Variants in TRMT11 observed in about 807,000 individuals in gnomAD.
The protein encoded by TRMT11 is tRNA methyltransferase 11, also known as tRNA (guanine(10)-N(2))-methyltransferase TRMT11.
Under a neutral mutation model 62.8 loss-of-function variants are expected in TRMT11, and 53 were observed. The ratio of observed to expected loss-of-function variants is 0.84; its 90% CI spans 0.68 to 1.06. The LOEUF (loss-of-function observed/expected upper bound fraction) is 1.06. Among genes scored for constraint, TRMT11 ranks in the 50% least tolerant of loss-of-function variants. The pLI is 0.00. For synonymous variants in TRMT11, 188 were observed against 190.3 expected (o/e 0.99, Z 0.10); for missense variants, 556 against 553.4 (o/e 1.00, Z -0.05).
At chr6:126,023,388 G>A (rs1796109464) in intron 12 of TRMT11, among the ~76,000 whole-genome samples, 1 of 152,178 alleles carries the variant, frequency 6.6e-6, no homozygotes, top group East Asian at 1.9e-4. Flanking sequence ...GGTGGCTCAC[G>A]CCTGTAATCC....
intron 21 of TRMT11, among the ~76,000 whole-genome samples, chr6:126,151,862 C>CTTTCTTTCTTTCTTTCTTTA (rs1562334839): frequency 8.9e-6 from 1 of 112,938 alleles, no homozygotes; most frequent in Non-Finnish European, 1.8e-5. Flanking sequence ...TTCTTTCTTT[C>CTTTCTTTCTTTCTTTCTTTA]TTTCCTTCTT....
intron 21 of TRMT11, among the ~76,000 whole-genome samples, chr6:126,145,908 AT>A (rs1777969316): frequency 6.6e-6 from 1 of 152,236 alleles, no homozygotes; most frequent in Admixed American, 6.5e-5. Context: ...TATTTTAAAA[AT>A]AAATCTCCAG....
intron 3 of TRMT11, among the ~76,000 whole-genome samples, chr6:126,201,782 T>C (rs1448086066): frequency 2.0e-5 from 3 of 152,182 alleles, no homozygotes; most frequent in African/African-American, 7.2e-5. Context: ...TCATTTTCTC[T>C]AATATTTATT....
chr6:126,108,258 T>C (rs1777486063), intron 17 of TRMT11, among the ~76,000 whole-genome samples: 1 of 152,212 alleles, frequency 6.6e-6, no homozygotes, highest in African/African-American at 2.4e-5. Flanking sequence ...TATTTTGAAT[T>C]TGGGGCATTT....
chr6:126,166,249 T>C (rs891335563), intron 21 of TRMT11, among the ~76,000 whole-genome samples: 3 of 152,176 alleles, frequency 2.0e-5, no homozygotes, highest in Admixed American at 2.0e-4. Flanking sequence ...CTTTTTGCTC[T>C]ATTTTTAATT....
chr6:126,151,858 C>CTTTCTTTCTTTCTTTCTTTA (rs1778053601), intron 21 of TRMT11, among the ~76,000 whole-genome samples: 1 of 119,536 alleles, frequency 8.4e-6, no homozygotes, highest in Admixed American at 8.9e-5. Context: ...TTCTTTCTTT[C>CTTTCTTTCTTTCTTTCTTTA]TTTCTTTCCT....
the TRMT11 span, among the ~76,000 whole-genome samples, chr6:126,236,933 G>T: frequency 2.6e-5 from 4 of 152,148 alleles, no homozygotes; most frequent in Non-Finnish European, 4.4e-5. Context: ...CTTTGGCCAT[G>T]AGGGCTCTTC....
the TRMT11 span, among the ~76,000 whole-genome samples, chr6:126,211,577 C>G: frequency 6.6e-6 from 1 of 151,662 alleles, no homozygotes. Context: ...AATATGCAGA[C>G]CTCTGTCACT....
the TRMT11 span, among the ~76,000 whole-genome samples, chr6:126,233,258 A>T: frequency 6.6e-6 from 1 of 152,312 alleles, no homozygotes; most frequent in East Asian, 1.9e-4. Flanking sequence ...AAATAGTAGC[A>T]ATATTAACTA....
At chr6:126,123,586 A>G (rs1777675422) in intron 21 of TRMT11, among the ~76,000 whole-genome samples, 1 of 152,154 alleles carries the variant, frequency 6.6e-6, no homozygotes, top group East Asian at 1.9e-4. Flanking sequence ...ATAGTGGACT[A>G]TCTCTGTTTT....
chr6:126,166,332 C>G (rs1313029901), intron 21 of TRMT11, among the ~76,000 whole-genome samples: 2 of 152,088 alleles, frequency 1.3e-5, no homozygotes, highest in African/African-American at 4.8e-5. Flanking sequence ...CATGGGCATC[C>G]TTTTTGCTGA....
At chr6:126,033,330 C>T (rs887196116) in intron 12 of TRMT11, among the ~76,000 whole-genome samples, 5 of 152,022 alleles carry the variant, frequency 3.3e-5, no homozygotes, top group Non-Finnish European at 7.4e-5. Flanking sequence ...GAACATACAG[C>T]TTGATTTATT....
downstream of TRMT11, among the ~76,000 whole-genome samples, chr6:126,207,342 T>C (rs1298578597): frequency 6.6e-6 from 1 of 152,084 alleles, no homozygotes; most frequent in Non-Finnish European, 1.5e-5. Flanking sequence ...CAAGATGATA[T>C]TGATTTTAGT....
At position 126,032,419 on chromosome 6, in the gene TRMT11, A is replaced by T. The variant is rs181251319; in HGVS notation, c.1261-6286A>T. On this transcript the variant is annotated intron_variant, in intron 12 of 12. Coordinates refer to ENST00000334379, the MANE Select transcript of TRMT11 (RefSeq NM_001031712.3). ...CCCTTTTGCTTACCAGTTGTTATCC[A>T]CCCTGGCCGTAGTCTTTCAGGTCCC... is the stretch of plus-strand genomic sequence containing the variant. Among the ~76,000 whole-genome samples the T allele has an allele frequency of 3.7e-3, 569 of 152,004 alleles. 5 individuals carry two copies. The highest frequency in any genetic ancestry group is 6.8e-3 in the Middle Eastern group (2 of 294).
chr6:125,998,027 G>C, intron 3 of TRMT11, 26 bp from the exon 4 acceptor site: 5 of 1,505,164 alleles, frequency 3.3e-6, no homozygotes, highest in Non-Finnish European at 4.6e-6. Flanking sequence ...CTTTACTGAG[G>C]TTAGTACCAA....
At chr6:126,082,186 A>G (rs1453789784) in intron 17 of TRMT11, among the ~76,000 whole-genome samples, 2 of 152,166 alleles carry the variant, frequency 1.3e-5, no homozygotes, top group Non-Finnish European at 2.9e-5. Context: ...CTTGCATATT[A>G]TGCCGATACC....
At chr6:126,191,409 G>A (rs185428690) in intron 1 of TRMT11, among the ~76,000 whole-genome samples, 3 of 141,468 alleles carry the variant, frequency 2.1e-5, no homozygotes, top group Non-Finnish European at 4.6e-5. Context: ...TCTTCATTAT[G>A]TTAGTTATTT....
chr6:126,170,181 T>G (rs1286313564), intron 21 of TRMT11, among the ~76,000 whole-genome samples: 6 of 152,162 alleles, frequency 3.9e-5, no homozygotes, highest in Non-Finnish European at 8.8e-5. Flanking sequence ...TCTGTGCCCT[T>G]TTTCATGTGC....
chr6:126,214,921 G>T, the TRMT11 span, among the ~76,000 whole-genome samples: 284 of 151,920 alleles, frequency 1.9e-3, 1 homozygote, highest in Middle Eastern at 3.4e-3. Flanking sequence ...GTTTTGGTAT[G>T]TTTGGTTTCC....
Sources: gnomAD v4.1 joint callset for allele counts (sites outside exome capture counted in the v4.1 genomes callset) on GRCh38, gnomAD v4.1.1 for gene constraint, MANE v1.5 for transcripts, NCBI Gene and HGNC (gene_info 2026-07-23, HGNC 2026-07-21) for gene names.